Variants in GALNT13 observed in about 807,000 individuals in gnomAD.
GALNT13 encodes UDP-GalNAc:polypeptide N-acetylgalactosaminyltransferase 13.
Under a neutral mutation model 64.2 loss-of-function variants are expected in GALNT13, and 28 were observed. That is an observed-to-expected ratio of 0.44 (90% CI 0.32 to 0.60). The LOEUF is 0.60. Among genes scored for constraint, GALNT13 ranks in the 20% least tolerant of loss-of-function variants. The pLI is 0.05. For synonymous variants in GALNT13, 214 were observed against 224.6 expected, an observed-to-expected ratio of 0.95 and a Z score of 0.42; for missense variants, 577 against 669.8, an observed-to-expected ratio of 0.86 and a Z score of 1.53.
chr2:154,258,567 T>C (rs755723210), intron 7 of GALNT13, among the ~76,000 whole-genome samples: 11 of 152,060 alleles, frequency 7.2e-5, no homozygotes, highest in Non-Finnish European at 1.5e-4. Context: ...ATTTTTTTTA[T>C]TTTTAAATAG....
intron 4 of GALNT13, among the ~76,000 whole-genome samples, chr2:154,210,702 A>G (rs1345336676): frequency 6.6e-6 from 1 of 152,196 alleles, no homozygotes; most frequent in Non-Finnish European, 1.5e-5. Flanking sequence ...TTAAAATACC[A>G]TTTTGAAGGG....
chr2:153,872,620 G>T (rs1482119080), intron 1 of GALNT13, among the ~76,000 whole-genome samples: 3 of 80,606 alleles, frequency 3.7e-5, no homozygotes, highest in African/African-American at 1.6e-4. Flanking sequence ...TGTTGGTGGC[G>T]GGGGGGGGGG....
the GALNT13 span, among the ~76,000 whole-genome samples, chr2:153,115,850 C>A: frequency 6.6e-6 from 1 of 152,084 alleles, no homozygotes; most frequent in Admixed American, 6.5e-5. Flanking sequence ...AATAAGACTC[C>A]TTTTCTGTGA....
the GALNT13 span, among the ~76,000 whole-genome samples, chr2:153,496,566 A>AT: frequency 6.6e-6 from 1 of 152,198 alleles, no homozygotes; most frequent in South Asian, 2.1e-4. Context: ...AAGATCACAG[A>AT]TTTTTTTCTA....
At chr2:153,243,653 T>A in the GALNT13 span, among the ~76,000 whole-genome samples, 2 of 148,448 alleles carry the variant, frequency 1.3e-5, no homozygotes, top group African/African-American at 2.6e-5. Flanking sequence ...GTTTAGAAAG[T>A]TAGAGGATTG....
the GALNT13 span, among the ~76,000 whole-genome samples, chr2:153,837,200 C>G: frequency 6.6e-6 from 1 of 152,118 alleles, no homozygotes; most frequent in African/African-American, 2.4e-5. Context: ...GATTGCCATT[C>G]TAACTGGTGT....
At chr2:154,330,095 A>G (rs1253883494) in intron 9 of GALNT13, among the ~76,000 whole-genome samples, 1 of 152,166 alleles carries the variant, frequency 6.6e-6, no homozygotes, top group Admixed American at 6.6e-5. Flanking sequence ...CAAATGGGAA[A>G]TATCACCTTA....
At chr2:154,410,033 T>TA (rs1203170912) in intron 11 of GALNT13, among the ~76,000 whole-genome samples, 1 of 151,914 alleles carries the variant, frequency 6.6e-6, no homozygotes, top group East Asian at 1.9e-4. Flanking sequence ...ATTCTTAATT[T>TA]AAAAAATCCT....
intron 9 of GALNT13, among the ~76,000 whole-genome samples, chr2:154,368,663 G>A (rs1037367260): frequency 6.6e-6 from 1 of 152,030 alleles, no homozygotes; most frequent in Non-Finnish European, 1.5e-5. Context: ...TGGTGCACAG[G>A]TAATTGATTT....
intron 3 of GALNT13, among the ~76,000 whole-genome samples, chr2:154,038,291 A>G (rs556947045): frequency 1.3e-5 from 2 of 152,308 alleles, no homozygotes; most frequent in African/African-American, 4.8e-5. Context: ...GAATTGAACC[A>G]CAAAACACTT....
chr2:153,711,261 G>A, the GALNT13 span, among the ~76,000 whole-genome samples: 6 of 152,080 alleles, frequency 3.9e-5, no homozygotes, highest in African/African-American at 1.4e-4. Flanking sequence ...AACATGCATA[G>A]TATATATGGG....
chr2:154,410,331 A>C (rs1699737154), intron 11 of GALNT13, among the ~76,000 whole-genome samples: 1 of 151,974 alleles, frequency 6.6e-6, no homozygotes, highest in African/African-American at 2.4e-5. Context: ...TCACATAATA[A>C]AAATTCTGAC....
the GALNT13 span, among the ~76,000 whole-genome samples, chr2:153,197,642 G>A: frequency 6.6e-6 from 1 of 152,266 alleles, no homozygotes; most frequent in Non-Finnish European, 1.5e-5. Flanking sequence ...GCCCCAGGCA[G>A]TGTGTTTGAG....
the GALNT13 span, among the ~76,000 whole-genome samples, chr2:153,780,280 T>A: frequency 6.8e-6 from 1 of 146,148 alleles, no homozygotes; most frequent in Non-Finnish European, 1.5e-5. Flanking sequence ...TCAGAAGCTA[T>A]CATTCTGTAC....
chr2:154,137,540 A>G (rs12233050), intron 3 of GALNT13, among the ~76,000 whole-genome samples: 9,831 of 152,230 alleles, frequency 0.065, 430 homozygotes, highest in Middle Eastern at 0.13. Context: ...TGATTATGAT[A>G]CCAAAACATG....
chr2:154,108,995 T>C (rs1702782457), intron 3 of GALNT13, among the ~76,000 whole-genome samples: 1 of 152,116 alleles, frequency 6.6e-6, no homozygotes, highest in African/African-American at 2.4e-5. Flanking sequence ...CTTTCTTTTT[T>C]TAACTCATGA....
the GALNT13 span, among the ~76,000 whole-genome samples, chr2:153,334,510 A>G: frequency 6.6e-6 from 1 of 152,154 alleles, no homozygotes; most frequent in Non-Finnish European, 1.5e-5. Context: ...GATTGCTTCT[A>G]CTGCAGCATT....
intron 9 of GALNT13, among the ~76,000 whole-genome samples, chr2:154,315,276 C>G (rs1033352255): frequency 6.6e-6 from 1 of 152,080 alleles, no homozygotes; most frequent in South Asian, 2.1e-4. Flanking sequence ...AATAAAAATT[C>G]TATACTTATT....
At chr2:153,481,830 TTC>T in the GALNT13 span, among the ~76,000 whole-genome samples, 1 of 152,228 alleles carries the variant, frequency 6.6e-6, no homozygotes, top group African/African-American at 2.4e-5. Flanking sequence ...ATTTTTGATT[TTC>T]TCTTTTTGTA....
Sources: gnomAD v4.1 joint callset for allele counts (sites outside exome capture counted in the v4.1 genomes callset) on GRCh38, gnomAD v4.1.1 for gene constraint, MANE v1.5 for transcripts, NCBI Gene and HGNC (gene_info 2026-07-23, HGNC 2026-07-21) for gene names.